Variants in PPM1L observed in about 807,000 individuals in gnomAD.
PPM1L encodes the protein protein phosphatase 1L.
A neutral mutation model predicts 31.4 loss-of-function variants in PPM1L; 13 were observed. The observed-to-expected ratio is 0.41, with a 90% CI of 0.27 to 0.66. The LOEUF (loss-of-function observed/expected upper bound fraction) is 0.66, where lower values mean the gene tolerates loss of function less well. Ranked by LOEUF, PPM1L falls within the 30% of genes least tolerant of loss-of-function variation. PPM1L has a pLI of 0.29. For missense variants in PPM1L, 326 were observed against 453.7 expected, an observed-to-expected ratio of 0.72 and a Z score of 2.56; for synonymous variants, 184 against 175.4, an observed-to-expected ratio of 1.05 and a Z score of -0.39.
chr3:160,889,851 T>C (rs1368994221), intron 1 of PPM1L, among the ~76,000 whole-genome samples: 4 of 152,158 alleles, frequency 2.6e-5, no homozygotes, highest in Non-Finnish European at 5.9e-5. Context: ...GTTCAACATA[T>C]GCAAATCAAT....
chr3:160,965,589 G>A (rs556247200), intron 2 of PPM1L, among the ~76,000 whole-genome samples: 2 of 152,220 alleles, frequency 1.3e-5, no homozygotes, highest in Admixed American at 6.5e-5. Flanking sequence ...CAGTAGGTTA[G>A]GTGTATTAAA....
At chr3:160,846,810 G>A (rs1468955589) in intron 1 of PPM1L, among the ~76,000 whole-genome samples, 7 of 152,048 alleles carry the variant, frequency 4.6e-5, no homozygotes, top group Non-Finnish European at 1.0e-4. Context: ...ACAAAGTTGT[G>A]CAACTGTTAC....
chr3:160,993,186 G>A (rs187907497), intron 2 of PPM1L, among the ~76,000 whole-genome samples: 2 of 152,050 alleles, frequency 1.3e-5, no homozygotes, highest in Non-Finnish European at 2.9e-5. Flanking sequence ...ATGCTAATAA[G>A]TAAAAATGAT....
At chr3:160,823,236 T>G (rs1713256327) in intron 1 of PPM1L, among the ~76,000 whole-genome samples, 1 of 152,130 alleles carries the variant, frequency 6.6e-6, no homozygotes, top group Admixed American at 6.6e-5. Context: ...TTACTTTCTT[T>G]GATTTTTCTT....
At position 160,919,248 on chromosome 3, in the gene PPM1L, T is replaced by A. The variant is rs117212251; in HGVS notation, c.400-42488T>A. Among the ~76,000 whole-genome samples, 104 of 152,330 alleles carry A rather than the reference T, an allele frequency of 6.8e-4. 1 individual carries two copies. In the East Asian group the frequency reaches 0.018, roughly 26 times the overall value. ...TGCTCTACAAGCCTTTTCTGAGAGA[T>A]TCTTTTTCCTTCTGCCTTTTCCTCT... On this transcript the variant is annotated intron_variant, in intron 1 of 3. Coordinates refer to ENST00000498165, the MANE Select transcript of PPM1L (RefSeq NM_139245.4).
chr3:161,012,581 T>C (rs1285337747), intron 2 of PPM1L, among the ~76,000 whole-genome samples: 1 of 151,874 alleles, frequency 6.6e-6, no homozygotes, highest in African/African-American at 2.4e-5. Flanking sequence ...TGGAATAGTT[T>C]CAGAAGGAAT....
intron 1 of PPM1L, among the ~76,000 whole-genome samples, chr3:160,757,787 T>C (rs578027136): frequency 6.6e-6 from 1 of 152,120 alleles, no homozygotes; most frequent in South Asian, 2.1e-4. Flanking sequence ...ATTACACCCC[T>C]CCCCCGAACT....
At chr3:160,955,877 A>C (rs1474596070) in intron 1 of PPM1L, among the ~76,000 whole-genome samples, 1 of 151,562 alleles carries the variant, frequency 6.6e-6, no homozygotes, top group Non-Finnish European at 1.5e-5. Context: ...GATGGTCTCC[A>C]TCTCCTGACC....
At chr3:161,014,687 GTC>G (rs1212164005) in intron 2 of PPM1L, among the ~76,000 whole-genome samples, 1 of 152,066 alleles carries the variant, frequency 6.6e-6, no homozygotes, top group Non-Finnish European at 1.5e-5. Flanking sequence ...GGTCAGCCTT[GTC>G]TCAAACTCCT....
intron 2 of PPM1L, among the ~76,000 whole-genome samples, chr3:160,994,567 A>G (rs942481201): frequency 3.9e-5 from 6 of 152,204 alleles, no homozygotes; most frequent in African/African-American, 1.4e-4. Flanking sequence ...AGCTCAGAAC[A>G]TACATTCAGG....
In PPM1L at chr3:160,906,385, C is replaced by T. The variant is rs190567297; in HGVS notation, c.400-55351C>T. Among the ~76,000 whole-genome samples the T allele has an allele frequency of 5.7e-3, 872 of 152,050 alleles. 20 individuals carry two copies. Among genetic ancestry groups the T allele is most frequent in the Admixed American group, 0.051 (778 of 15,270 alleles). On this transcript the variant is annotated intron_variant, in intron 1 of 3. Transcript: ENST00000498165. ...TTGGGAGGCCAAGGTGGGTGGATCA[C>T]GAGGTCAAGAGATGGAGACCATCCT...
chr3:160,944,808 TAAC>T (rs778900563), intron 1 of PPM1L, among the ~76,000 whole-genome samples: 2 of 13,304 alleles, frequency 1.5e-4, no homozygotes, highest in South Asian at 2.9e-3. Flanking sequence ...ATAACATATA[TAAC>T]ATATATATGT....
At chr3:160,906,356 C>T (rs1446871877) in intron 1 of PPM1L, among the ~76,000 whole-genome samples, 1 of 152,128 alleles carries the variant, frequency 6.6e-6, no homozygotes, top group African/African-American at 2.4e-5. Context: ...GTAATCCCAG[C>T]ATTTTGGGAG....
chr3:160,993,383 G>A (rs575088586), intron 2 of PPM1L, among the ~76,000 whole-genome samples: 1 of 152,208 alleles, frequency 6.6e-6, no homozygotes, highest in East Asian at 1.9e-4. Context: ...CAGGAGATTT[G>A]GGAGGGTTGG....
At chr3:161,003,429 C>T (rs1474008580) in intron 2 of PPM1L, among the ~76,000 whole-genome samples, 1 of 151,714 alleles carries the variant, frequency 6.6e-6, no homozygotes, top group African/African-American at 2.4e-5. Context: ...TTACCTTGGG[C>T]AGTATAGCCA....
At chr3:161,064,746 A>C (rs1320072247) in intron 2 of PPM1L, among the ~76,000 whole-genome samples, 1 of 152,052 alleles carries the variant, frequency 6.6e-6, no homozygotes. Context: ...GCACGTCTTC[A>C]ATCTTGCTTT....
At chr3:160,826,074 C>CA (rs1560117913) in intron 1 of PPM1L, among the ~76,000 whole-genome samples, 2 of 152,124 alleles carry the variant, frequency 1.3e-5, no homozygotes, top group Non-Finnish European at 2.9e-5. Context: ...CCCTGTGCTG[C>CA]AAGGGGATGC....
Position 160,956,984 on chromosome 3 carries a change from G to C in PPM1L, c.400-4752G>C, listed in dbSNP as rs900677377. Among the ~76,000 whole-genome samples the C allele has an allele frequency of 4.7e-4, 72 of 152,214 alleles. 4 individuals carry two copies. The highest frequency in any genetic ancestry group is 1.2e-4 in the Non-Finnish European group (8 of 68,038). ...TAAGATACAGTCCTTATTTCCACCAGTTGGAGGAGCTAAAGTACCTATACC... is the reference window on the plus strand; with the variant it reads ...TAAGATACAGTCCTTATTTCCACCACTTGGAGGAGCTAAAGTACCTATACC... On this transcript the variant is annotated intron_variant, in intron 1 of 3. Coordinates refer to ENST00000498165, the MANE Select transcript of PPM1L (RefSeq NM_139245.4).
intron 1 of PPM1L, among the ~76,000 whole-genome samples, chr3:160,865,921 A>T (rs1347772882): frequency 6.6e-6 from 1 of 152,216 alleles, no homozygotes; most frequent in Non-Finnish European, 1.5e-5. Flanking sequence ...GTAGGTTATT[A>T]AAAAACAAGT....
Sources: allele counts gnomAD v4.1 joint callset (sites outside exome capture counted in the v4.1 genomes callset), GRCh38; gene constraint gnomAD v4.1.1; transcripts MANE v1.5; gene names NCBI Gene and HGNC (gene_info 2026-07-23, HGNC 2026-07-21).